Variants in ZNF236 observed in about 807,000 individuals in gnomAD.
The protein encoded by ZNF236 is zinc finger protein 236, also known as regulated by glucose.
Under a neutral mutation model 191.2 loss-of-function variants are expected in ZNF236, and 50 were observed. The ratio of observed to expected loss-of-function variants is 0.26; its 90% CI spans 0.21 to 0.33. The LOEUF is 0.33. Among genes scored for constraint, ZNF236 ranks in the 10% least tolerant of loss-of-function variants. The pLI is 1.00. For missense variants in ZNF236, 1,754 were observed against 2,374.5 expected (o/e 0.74, Z 5.43); for synonymous variants, 907 against 928.8 (o/e 0.98, Z 0.43).
intron 26 of ZNF236, among the ~76,000 whole-genome samples, chr18:76,945,899 A>G (rs1050959819): frequency 1.3e-5 from 2 of 152,240 alleles, no homozygotes; most frequent in African/African-American, 4.8e-5. Context: ...GCATATGGGA[A>G]GTAAGGAACC....
chr18:76,868,787 G>T lies in ZNF236; in HGVS notation c.466G>T (p.Ala156Ser). 1 of 1,613,828 alleles carries T rather than the reference G, an allele frequency of 6.2e-7. No individual in the cohort carries two copies. Among genetic ancestry groups the T allele is most frequent in the Non-Finnish European group, 8.5e-7 (1 of 1,179,970 alleles). Residue 156 changes from alanine to serine, a missense_variant, in exon 4 of 31, where the codon GCC (alanine) becomes TCC (serine). Physicochemically the swap from Ala to Ser is moderately conservative, Grantham distance 99. This residue lies in a region of ZNF236 where 336 missense variants were observed against 495.1 expected (regional missense o/e 0.68). Transcript: ENST00000320610. ...GGAGCTGGCTGGAACCCGGCAGCAT[G>T]CCTGCAAGGCCTGCAAGAAAGAGTT... is the stretch of plus-strand genomic sequence containing the variant. ...RQELAGTRQH[A>S]CKACKKEFET...
intron 1 of ZNF236, among the ~76,000 whole-genome samples, chr18:76,822,883 A>G (rs1974896259): frequency 6.8e-6 from 1 of 146,992 alleles, no homozygotes; most frequent in Non-Finnish European, 1.5e-5. Flanking sequence ...CGCTGGGCCT[A>G]CTTTCCTGGG....
rs1462945943 is a variant in ZNF236, at chr18:76,925,364, C to A, written c.3837C>A (p.Asp1279Glu). The change falls in exon 22 of 31, where the codon GAC becomes GAA. Residue 1279 changes from aspartate (D) to glutamate (E), a missense_variant. By Grantham distance (45) the Asp-to-Glu change is conservative. Around this residue, in one of 5 missense-constraint regions of ZNF236, gnomAD observed 606 missense variants for 761.5 expected, o/e 0.80. Coordinates refer to ENST00000320610, the MANE Select transcript of ZNF236 (RefSeq NM_001306089.2). The surrounding 1 kb of genome is among the most constrained non-coding windows in gnomAD (Gnocchi z 5.7). ...KTHMQFHYKPDPKKARKPMTR... is the reference protein window; with the variant it reads ...KTHMQFHYKPEPKKARKPMTR... ...ACATGCAGTTTCATTATAAACCAGA[C>A]CCAAAGAAGGCCAGAAAGCCTATGA... 6.2e-7 allele frequency: 1 copy of A among 1,614,170 alleles called. No homozygotes were observed. Among genetic ancestry groups the A allele is most frequent in the East Asian group, 2.2e-5 (1 of 44,882 alleles).
chr18:76,925,530 G>A lies in ZNF236; in HGVS notation c.4003G>A (p.Ala1335Thr), dbSNP rs1045836910. The change falls in exon 22 of 31, where the codon GCT becomes ACT. Residue 1335 changes from alanine (A) to threonine (T), a missense_variant. Ala to Thr is a moderately conservative substitution (Grantham distance 58). Coordinates refer to ENST00000320610, the MANE Select transcript of ZNF236 (RefSeq NM_001306089.2). This position sits in a 1 kb window ranked among gnomAD's most constrained non-coding sequence, Gnocchi z 5.7. ...GCTGCAACCAGGACTGGTGGGCCAA[G>A]CTATTCTCCCTGCCTCTGTGTCAGG... ...NLLQPGLVGQ[A>T]ILPASVSAGG... 2 of 1,613,428 alleles carry A rather than the reference G, an allele frequency of 1.2e-6. No homozygotes were observed. Among genetic ancestry groups the A allele is most frequent in the Admixed American group, 3.3e-5 (2 of 60,028 alleles).
intron 1 of ZNF236, among the ~76,000 whole-genome samples, chr18:76,837,237 T>G (rs1012602573): frequency 1.3e-5 from 2 of 151,578 alleles, no homozygotes; most frequent in Non-Finnish European, 2.9e-5. Flanking sequence ...AATTTGTGTT[T>G]GTTTCCTCCT....
intron 10 of ZNF236, 119 bp from the exon 11 acceptor site, chr18:76,898,900 A>T: frequency 4.8e-6 from 4 of 829,650 alleles, no homozygotes; most frequent in Non-Finnish European, 7.6e-6. Flanking sequence ...AATTATAAGC[A>T]TGGCCTAATA....
Position 76,925,886 on chromosome 18 carries a change from C to G in ZNF236, c.4027+332C>G, listed in dbSNP as rs1967663319. On this transcript the variant is annotated intron_variant, in intron 22 of 30. Coordinates refer to ENST00000320610, the MANE Select transcript of ZNF236 (RefSeq NM_001306089.2). This position sits in a 1 kb window ranked among gnomAD's most constrained non-coding sequence, Gnocchi z 5.7. ...AGTGTAATTTATAAATACTCAATAG[C>G]ATTGTTTTTGATATAGTGCAGTTTT... Among the ~76,000 whole-genome samples, 1 of 152,168 alleles carries G rather than the reference C, an allele frequency of 6.6e-6. No individual in the cohort carries two copies. The highest frequency in any genetic ancestry group is 1.5e-5 in the Non-Finnish European group (1 of 68,042).
At chr18:76,845,902 T>TCGAC (rs1975662492) in intron 1 of ZNF236, among the ~76,000 whole-genome samples, 1 of 151,534 alleles carries the variant, frequency 6.6e-6, no homozygotes. Context: ...GAAGAGGCGG[T>TCGAC]CATTCATTTG....
intron 19 of ZNF236, among the ~76,000 whole-genome samples, chr18:76,916,913 C>T (rs970175106): frequency 6.6e-6 from 1 of 152,200 alleles, no homozygotes; most frequent in African/African-American, 2.4e-5. Context: ...CAAGGTACTG[C>T]CCCCTCTGTC....
At chr18:76,940,366 T>C (rs967632792) in intron 26 of ZNF236, among the ~76,000 whole-genome samples, 30 of 117,706 alleles carry the variant, frequency 2.5e-4, no homozygotes, top group Middle Eastern at 0.014. Flanking sequence ...GACCCTAGCA[T>C]TGCGTTTGGC....
chr18:76,861,084 A>G (rs1976206336), intron 3 of ZNF236, among the ~76,000 whole-genome samples: 1 of 152,128 alleles, frequency 6.6e-6, no homozygotes, highest in African/African-American at 2.4e-5. Context: ...TGAGCTCAAG[A>G]TTTACATGAG....
intron 15 of ZNF236, 41 bp downstream of exon 15, chr18:76,910,210 A>G: frequency 6.6e-7 from 1 of 1,510,870 alleles, no homozygotes; most frequent in Non-Finnish European, 9.2e-7. Flanking sequence ...AGTGAGCTAT[A>G]CTTCAGTTGA....
chr18:76,878,770 T>C (rs12956701), intron 7 of ZNF236, among the ~76,000 whole-genome samples: 36,072 of 152,168 alleles, frequency 0.24, 5,367 homozygotes, highest in East Asian at 0.33. Flanking sequence ...GGTATCTTAA[T>C]AGTAGTAGAC....
rs1199595089 is a variant in ZNF236, at chr18:76,915,815, C to T, written c.3230C>T (p.Thr1077Ile). 6 of 1,614,198 alleles carry T rather than the reference C, an allele frequency of 3.7e-6. No homozygotes were observed. Among genetic ancestry groups the T allele is most frequent in the Non-Finnish European group, 5.1e-6 (6 of 1,180,036 alleles). Reference protein sequence around the residue: ...HCKKHMKRHQTVPSAVSATGE... With the variant: ...HCKKHMKRHQIVPSAVSATGE... The stretch of plus-strand genomic sequence containing the variant: ...AAAAAGCACATGAAGAGACACCAAA[C>T]AGTCCCCTCTGCTGTGTCAGCCACT... The change falls in exon 19 of 31, where the codon ACA becomes ATA. Residue 1077 changes from threonine to isoleucine, a missense_variant. Physicochemically the swap from Thr to Ile is moderately conservative, Grantham distance 89. Coordinates refer to ENST00000320610, the MANE Select transcript of ZNF236 (RefSeq NM_001306089.2).
intron 9 of ZNF236, chr18:76,886,858 C>T (rs1366028993): frequency 2.9e-5 from 5 of 174,086 alleles, no homozygotes; most frequent in East Asian, 1.7e-4. Context: ...GAGGAGGTCC[C>T]GTCATCAGGA....
At chr18:76,824,332 C>T (rs1974956882) in intron 1 of ZNF236, 5 of 781,086 alleles carry the variant, frequency 6.4e-6, no homozygotes, top group South Asian at 1.3e-5. Flanking sequence ...GACCAACAGG[C>T]GTTTCAGCGA....
At chr18:76,838,686 G>A (rs1470710554) in intron 1 of ZNF236, among the ~76,000 whole-genome samples, 2 of 152,206 alleles carry the variant, frequency 1.3e-5, no homozygotes, top group African/African-American at 4.8e-5. Flanking sequence ...GAAAAGACAG[G>A]AAGAGAAAAG....
chr18:76,909,332 A>T (rs1285843822), intron 14 of ZNF236, among the ~76,000 whole-genome samples: 1 of 151,668 alleles, frequency 6.6e-6, no homozygotes, highest in Non-Finnish European at 1.5e-5. Flanking sequence ...AAAAAAAAAA[A>T]AAAAAATTAT....
chr18:76,871,678 T>C (rs750563176), intron 4 of ZNF236, 23 bp from the exon 5 acceptor site: 8 of 1,613,598 alleles, frequency 5.0e-6, no homozygotes, highest in Non-Finnish European at 6.8e-6. Flanking sequence ...TACTGTGTAT[T>C]TTGCCCCCCT....
Sources: gnomAD v4.1 joint callset for allele counts (sites outside exome capture counted in the v4.1 genomes callset) on GRCh38, gnomAD v4.1.1 for gene constraint, gnomAD v4.1.1 regional missense constraint, Gnocchi (gnomAD v3.1) non-coding constraint, MANE v1.5 for transcripts, NCBI Gene and HGNC (gene_info 2026-07-23, HGNC 2026-07-21) for gene names.